KCNIP4: variants seen among roughly 807,000 people sequenced by gnomAD.
KCNIP4 encodes the protein potassium voltage-gated channel interacting protein 4.
In KCNIP4, 12 loss-of-function variants were observed where a neutral mutation model predicts 34.0. That is an observed-to-expected ratio of 0.35 (90% confidence interval 0.23 to 0.57). KCNIP4 has a LOEUF of 0.57. Ranked by LOEUF, KCNIP4 falls within the 20% of genes least tolerant of loss-of-function variation. The pLI is 0.83. For synonymous variants in KCNIP4, 124 were observed against 102.2 expected (o/e 1.21, Z -1.29); for missense variants, 238 against 311.7 (o/e 0.76, Z 1.78).
chr4:20,801,299 A>G (rs1714197066), intron 3 of KCNIP4, among the ~76,000 whole-genome samples: 3 of 151,636 alleles, frequency 2.0e-5, no homozygotes, highest in Admixed American at 2.0e-4. Flanking sequence ...AAAAAAAAAA[A>G]AAGAAAAGAA....
intron 1 of KCNIP4, among the ~76,000 whole-genome samples, chr4:21,537,385 C>T (rs1248360573): frequency 3.9e-5 from 6 of 152,088 alleles, no homozygotes; most frequent in Non-Finnish European, 7.4e-5. Flanking sequence ...CCATTTAATA[C>T]CTTTTATCCA....
intron 1 of KCNIP4, among the ~76,000 whole-genome samples, chr4:21,493,334 C>T (rs1451750058): frequency 2.0e-5 from 3 of 151,960 alleles, no homozygotes; most frequent in Admixed American, 6.6e-5. Flanking sequence ...TTAAGACATC[C>T]GCTAGACCAA....
intron 1 of KCNIP4, among the ~76,000 whole-genome samples, chr4:21,804,390 G>T (rs562241039): frequency 9.2e-5 from 14 of 152,268 alleles, no homozygotes; most frequent in Admixed American, 6.5e-4. Context: ...GATATTCTGT[G>T]AAATTATATA....
chr4:21,348,340 C>T (rs191724059), intron 1 of KCNIP4, among the ~76,000 whole-genome samples: 1 of 152,310 alleles, frequency 6.6e-6, no homozygotes, highest in Admixed American at 6.5e-5. Context: ...AAAATAGACA[C>T]AGTTGTCTCT....
intron 1 of KCNIP4, among the ~76,000 whole-genome samples, chr4:21,446,425 C>CA (rs1260016142): frequency 6.6e-6 from 1 of 151,874 alleles, no homozygotes; most frequent in African/African-American, 2.4e-5. Flanking sequence ...ACATATACAC[C>CA]ATGGAATACT....
At chr4:20,816,258 A>C (rs1716369563) in intron 3 of KCNIP4, among the ~76,000 whole-genome samples, 1 of 151,920 alleles carries the variant, frequency 6.6e-6, no homozygotes, top group Non-Finnish European at 1.5e-5. Context: ...CATCTCAAAA[A>C]AAAAAAAAAA....
intron 1 of KCNIP4, among the ~76,000 whole-genome samples, chr4:21,785,774 A>G (rs1719870008): frequency 6.6e-6 from 1 of 152,192 alleles, no homozygotes; most frequent in African/African-American, 2.4e-5. Flanking sequence ...CACACATTTC[A>G]TAACAGCACT....
chr4:21,178,628 A>G (rs1213091459), intron 1 of KCNIP4, among the ~76,000 whole-genome samples: 2 of 128,060 alleles, frequency 1.6e-5, no homozygotes, highest in East Asian at 2.1e-4. Flanking sequence ...AATGTTAGCT[A>G]GTAATTATAT....
intron 2 of KCNIP4, among the ~76,000 whole-genome samples, chr4:20,870,529 G>A (rs1348957263): frequency 6.6e-6 from 1 of 152,116 alleles, no homozygotes. Flanking sequence ...CATGGCGAGA[G>A]TAATTCTGTC....
intron 1 of KCNIP4, among the ~76,000 whole-genome samples, chr4:21,344,992 C>T (rs1273508093): frequency 6.6e-6 from 1 of 152,114 alleles, no homozygotes; most frequent in African/African-American, 2.4e-5. Flanking sequence ...ATACTGTTTT[C>T]GATATTCTTC....
chr4:20,895,965 A>G (rs1726471696), intron 1 of KCNIP4, among the ~76,000 whole-genome samples: 1 of 152,242 alleles, frequency 6.6e-6, no homozygotes, highest in African/African-American at 2.4e-5. Flanking sequence ...CTGGTGGGCT[A>G]GAGTTGGAGC....
At position 21,541,404 on chromosome 4, in the gene KCNIP4, T is replaced by C. The variant is rs897931945; in HGVS notation, c.61+407167A>G. ...CCCTTTTCCTTTCCCTGAGGGAATGTTTATTCTAGTCTTAAACTTGAGCCA... is the reference window on the plus strand; with the variant it reads ...CCCTTTTCCTTTCCCTGAGGGAATGCTTATTCTAGTCTTAAACTTGAGCCA... On this transcript the variant is annotated intron_variant, in intron 1 of 8. Transcript: ENST00000382152. Among the ~76,000 whole-genome samples the C allele has an allele frequency of 2.6e-5, 4 of 152,086 alleles. No homozygotes were observed. The South Asian group carries it at 6.2e-4, about 24-fold the overall frequency.
intron 1 of KCNIP4, among the ~76,000 whole-genome samples, chr4:21,041,230 T>TCA (rs57664737): frequency 0.074 from 10,764 of 144,654 alleles, 405 homozygotes; most frequent in East Asian, 0.15. Flanking sequence ...GATATATATT[T>TCA]CACACACACA....
intron 1 of KCNIP4, among the ~76,000 whole-genome samples, chr4:21,106,260 C>G (rs987991009): frequency 1.3e-4 from 19 of 151,796 alleles, no homozygotes; most frequent in Admixed American, 9.8e-4. Flanking sequence ...TGATTATTGC[C>G]ACAATTTCAG....
chr4:21,798,358 C>T (rs1720755658), intron 1 of KCNIP4, among the ~76,000 whole-genome samples: 1 of 148,202 alleles, frequency 6.7e-6, no homozygotes, highest in South Asian at 2.1e-4. Context: ...TCAAGACCGG[C>T]CTGGGCAACA....
At chr4:21,037,318 C>G (rs1741540294) in intron 1 of KCNIP4, among the ~76,000 whole-genome samples, 1 of 152,176 alleles carries the variant, frequency 6.6e-6, no homozygotes, top group Admixed American at 6.5e-5. Flanking sequence ...CTGGCTCACC[C>G]AAAACAACTT....
At chr4:20,811,709 A>G (rs1715789542) in intron 3 of KCNIP4, among the ~76,000 whole-genome samples, 1 of 152,152 alleles carries the variant, frequency 6.6e-6, no homozygotes, top group African/African-American at 2.4e-5. Context: ...GAGGGAGGGG[A>G]GAGGAGTCAA....
intron 1 of KCNIP4, among the ~76,000 whole-genome samples, chr4:21,172,190 GATGGCTA>G (rs1754067423): frequency 6.6e-6 from 1 of 151,988 alleles, no homozygotes; most frequent in South Asian, 2.1e-4. Context: ...ACCATGCCTG[GATGGCTA>G]ATTTTTGTAT....
intron 1 of KCNIP4, among the ~76,000 whole-genome samples, chr4:21,052,025 T>C (rs1316391077): frequency 6.6e-6 from 1 of 152,190 alleles, no homozygotes; most frequent in Non-Finnish European, 1.5e-5. Flanking sequence ...CTCAATACAT[T>C]GGAATTTAGA....
Sources: gnomAD v4.1 joint callset for allele counts (sites outside exome capture counted in the v4.1 genomes callset) on GRCh38, gnomAD v4.1.1 for gene constraint, MANE v1.5 for transcripts, NCBI Gene and HGNC (gene_info 2026-07-23, HGNC 2026-07-21) for gene names.